STAG1: variants seen among roughly 807,000 people sequenced by gnomAD.
STAG1 encodes the protein STAG1 cohesin complex component.
In STAG1, 26 loss-of-function variants were observed where a neutral mutation model predicts 170.9. The ratio of observed to expected loss-of-function variants is 0.15; its 90% confidence interval spans 0.11 to 0.21. The LOEUF is 0.21. STAG1 is among the 10% of genes least tolerant of loss of function. STAG1 has a pLI of 1.00. For synonymous variants in STAG1, 514 were observed against 497.7 expected (o/e 1.03, Z -0.44); for missense variants, 964 against 1,509.5 (o/e 0.64, Z 5.99).
chr3:136,422,927 A>G (rs900135681), intron 17 of STAG1, 25 bp downstream of exon 17: 16 of 1,589,114 alleles, frequency 1.0e-5, no homozygotes, highest in Non-Finnish European at 1.4e-5. Context: ...TCAGTGACAT[A>G]ACAAAACTGT....
intron 29 of STAG1, among the ~76,000 whole-genome samples, chr3:136,344,682 C>A (rs556955790): frequency 1.3e-5 from 2 of 151,898 alleles, no homozygotes; most frequent in African/African-American, 4.8e-5. Flanking sequence ...GGCGTGATCT[C>A]GGCTCACTGC....
intron 9 of STAG1, among the ~76,000 whole-genome samples, chr3:136,499,364 C>G (rs1217793659): frequency 6.6e-6 from 1 of 152,038 alleles, no homozygotes; most frequent in Non-Finnish European, 1.5e-5. Flanking sequence ...TTTAAATTTT[C>G]TGTAGAGATG....
At chr3:136,355,652 G>A (rs923495250) in intron 28 of STAG1, among the ~76,000 whole-genome samples, 1 of 152,004 alleles carries the variant, frequency 6.6e-6, no homozygotes, top group African/African-American at 2.4e-5. Flanking sequence ...ACTGATACAT[G>A]GAACAGTCTC....
chr3:136,503,896 C>A (rs1933620891), intron 7 of STAG1, among the ~76,000 whole-genome samples: 1 of 151,988 alleles, frequency 6.6e-6, no homozygotes, highest in South Asian at 2.1e-4. Context: ...CCACCACGCC[C>A]AGCTAATTAC....
chr3:136,600,584 T>G (rs1017959851), intron 4 of STAG1, among the ~76,000 whole-genome samples: 1 of 152,208 alleles, frequency 6.6e-6, no homozygotes. Context: ...CAGGCTGGCG[T>G]GTAGTGGCAC....
At chr3:136,635,303 G>C (rs1338667002) in intron 1 of STAG1, among the ~76,000 whole-genome samples, 1 of 152,070 alleles carries the variant, frequency 6.6e-6, no homozygotes, top group Non-Finnish European at 1.5e-5. Flanking sequence ...AGTCATGCAA[G>C]GCTGGTTCAA....
intron 3 of STAG1, among the ~76,000 whole-genome samples, chr3:136,607,321 CATTT>C (rs768342639): frequency 4.2e-4 from 64 of 152,234 alleles, no homozygotes; most frequent in South Asian, 8.3e-4. Flanking sequence ...TATTCTCAAC[CATTT>C]ATTTATTCAA....
chr3:136,643,464 C>T (rs1282165907), intron 1 of STAG1, among the ~76,000 whole-genome samples: 1 of 152,158 alleles, frequency 6.6e-6, no homozygotes, highest in Non-Finnish European at 1.5e-5. Flanking sequence ...ACTTGAGGGA[C>T]ATGCAAGTGT....
In STAG1 at chr3:136,687,590, A is replaced by T. The variant is rs1942575381; in HGVS notation, c.-83-56609T>A. 3.3e-5 allele frequency among the ~76,000 whole-genome samples: 5 copies of T among 152,258 alleles called. No individual in the cohort carries two copies. In the South Asian group the frequency reaches 1.0e-3, roughly 32 times the overall value. ...TTAGTAAAAATTTGTTATAAAGTAA[A>T]CTAAAGGTTCATTTGGATCATGGAT... On this transcript the variant is annotated intron_variant, in intron 1 of 33. Coordinates refer to ENST00000383202, the MANE Select transcript of STAG1 (RefSeq NM_005862.3).
intron 1 of STAG1, among the ~76,000 whole-genome samples, chr3:136,690,699 A>G (rs1244965153): frequency 1.3e-5 from 2 of 152,162 alleles, no homozygotes; most frequent in Non-Finnish European, 2.9e-5. Flanking sequence ...TGTTACATCA[A>G]GAAGAGTTCT....
At chr3:136,429,138 G>T (rs1490571872) in intron 16 of STAG1, among the ~76,000 whole-genome samples, 4 of 150,884 alleles carry the variant, frequency 2.7e-5, no homozygotes, top group African/African-American at 9.8e-5. Context: ...TGGGAGAGGT[G>T]GCTCACACCT....
chr3:136,633,961 T>TGAAAAA, intron 1 of STAG1, among the ~76,000 whole-genome samples: 1 of 21,658 alleles, frequency 4.6e-5, no homozygotes, highest in South Asian at 3.9e-3. Context: ...CTGTCTCTAC[T>TGAAAAA]TAAAAAAAAA....
intron 13 of STAG1, among the ~76,000 whole-genome samples, chr3:136,464,545 G>C (rs2089396098): frequency 6.6e-6 from 1 of 152,094 alleles, no homozygotes; most frequent in Admixed American, 6.5e-5. Context: ...AAGAAAGTAA[G>C]ATCAGACCTC....
rs181549809 is a variant in STAG1, at chr3:136,688,402, T to A, written c.-83-57421A>T. Reference sequence around the variant, plus strand: ...CTACCAAAGTACAAAAAGTTTAATTTTTTTTTTCTTTTTTTGAGACAGAAT... The same window carrying A: ...CTACCAAAGTACAAAAAGTTTAATTATTTTTTTCTTTTTTTGAGACAGAAT... On this transcript the variant is annotated intron_variant, in intron 1 of 33. Transcript: ENST00000383202. 1.5e-4 allele frequency among the ~76,000 whole-genome samples: 23 copies of A among 152,202 alleles called. No individual in the cohort carries two copies. The East Asian group carries it at 3.5e-3, about 23-fold the overall frequency.
chr3:136,614,998 T>C (rs893803088), intron 3 of STAG1, among the ~76,000 whole-genome samples: 2 of 152,074 alleles, frequency 1.3e-5, no homozygotes, highest in Non-Finnish European at 2.9e-5. Flanking sequence ...CAAAGATACT[T>C]TTAATGGAAT....
chr3:136,574,255 C>T (rs958188312), intron 4 of STAG1, among the ~76,000 whole-genome samples: 3 of 151,052 alleles, frequency 2.0e-5, no homozygotes, highest in Non-Finnish European at 4.4e-5. Flanking sequence ...AAAAAAAAAA[C>T]CCGACCACAT....
intron 14 of STAG1, among the ~76,000 whole-genome samples, chr3:136,451,154 C>A (rs921162694): frequency 6.8e-6 from 1 of 148,006 alleles, no homozygotes; most frequent in African/African-American, 2.5e-5. Context: ...GTAGGAAATA[C>A]AGATTACAAT....
chr3:136,468,801 C>T (rs2089543600), intron 12 of STAG1, among the ~76,000 whole-genome samples: 2 of 152,070 alleles, frequency 1.3e-5, no homozygotes, highest in Admixed American at 1.3e-4. Flanking sequence ...ATCAAGTTGG[C>T]TTCATCCCTG....
chr3:136,679,032 A>G (rs1942244037), intron 1 of STAG1, among the ~76,000 whole-genome samples: 1 of 152,050 alleles, frequency 6.6e-6, no homozygotes, highest in Non-Finnish European at 1.5e-5. Flanking sequence ...CAAACATAAA[A>G]AAGATGTTCA....
Sources: allele counts gnomAD v4.1 joint callset (sites outside exome capture counted in the v4.1 genomes callset), GRCh38; gene constraint gnomAD v4.1.1; transcripts MANE v1.5; gene names NCBI Gene and HGNC (gene_info 2026-07-23, HGNC 2026-07-21).